The following ATF6 variants were observed in gnomAD, a reference collection of about 807,000 sequenced individuals.
The protein encoded by ATF6 is activating transcription factor 6, also known as cyclic AMP-dependent transcription factor ATF-6 alpha.
A neutral mutation model predicts 83.6 loss-of-function variants in ATF6; 53 were observed. The ratio of observed to expected loss-of-function variants is 0.63; its 90% CI spans 0.51 to 0.80. ATF6 has a LOEUF of 0.80. Among genes scored for constraint, ATF6 ranks in the 30% least tolerant of loss-of-function variants. The pLI is 0.00. For synonymous variants in ATF6, 288 were observed against 285.8 expected (o/e 1.01, Z -0.08); for missense variants, 744 against 797.9 (o/e 0.93, Z 0.81).
chr1:161,905,287 T>TA (rs1263207609), intron 14 of ATF6, among the ~76,000 whole-genome samples: 2 of 152,174 alleles, frequency 1.3e-5, no homozygotes, highest in South Asian at 4.1e-4. Flanking sequence ...TCTGCTGGGT[T>TA]AAAAAAATAT....
chr1:161,934,032 T>A (rs1688486274), intron 15 of ATF6, among the ~76,000 whole-genome samples: 1 of 152,214 alleles, frequency 6.6e-6, no homozygotes, highest in South Asian at 2.1e-4. Flanking sequence ...GTTGAAAAGA[T>A]TAATCTCATG....
intron 15 of ATF6, among the ~76,000 whole-genome samples, chr1:161,953,433 T>C (rs1019995736): frequency 6.6e-6 from 1 of 152,198 alleles, no homozygotes; most frequent in African/African-American, 2.4e-5. Flanking sequence ...ACATTTGTTT[T>C]GTGACATCAT....
At chr1:161,817,126 C>T (rs1364187464) in intron 7 of ATF6, among the ~76,000 whole-genome samples, 1 of 152,184 alleles carries the variant, frequency 6.6e-6, no homozygotes, top group East Asian at 1.9e-4. Context: ...CGTGGATTGA[C>T]AGCCTTTGAA....
intron 15 of ATF6, among the ~76,000 whole-genome samples, chr1:161,944,137 T>G: frequency 6.6e-6 from 1 of 152,194 alleles, no homozygotes; most frequent in South Asian, 2.1e-4. Flanking sequence ...CACATGCAGT[T>G]TGGTGCTCAG....
chr1:161,925,040 A>T (rs891604683), intron 15 of ATF6, among the ~76,000 whole-genome samples: 4 of 152,218 alleles, frequency 2.6e-5, no homozygotes, highest in African/African-American at 7.2e-5. Flanking sequence ...AATCCACAGG[A>T]TTATATATAA....
chr1:161,874,493 A>G (rs1687170815), intron 14 of ATF6, among the ~76,000 whole-genome samples: 1 of 151,684 alleles, frequency 6.6e-6, no homozygotes, highest in South Asian at 2.1e-4. Context: ...ATACAGAATA[A>G]ACAGTCTACA....
chr1:161,837,013 A>G (rs1210988717), intron 9 of ATF6, among the ~76,000 whole-genome samples: 1 of 152,236 alleles, frequency 6.6e-6, no homozygotes, highest in Non-Finnish European at 1.5e-5. Context: ...AACATAAAAC[A>G]AGGACTAGTG....
At chr1:161,919,756 A>G (rs1688166121) in intron 15 of ATF6, among the ~76,000 whole-genome samples, 1 of 152,232 alleles carries the variant, frequency 6.6e-6, no homozygotes, top group Non-Finnish European at 1.5e-5. Flanking sequence ...ACGTAGATGA[A>G]CAAATGACTA....
intron 1 of ATF6, among the ~76,000 whole-genome samples, chr1:161,772,973 T>G (rs1571115766): frequency 6.8e-6 from 1 of 146,282 alleles, no homozygotes; most frequent in Non-Finnish European, 1.5e-5. Context: ...GTTTTTTTTT[T>G]TTTTTTTTTT....
chr1:161,920,394 A>G (rs1688187761), intron 15 of ATF6, among the ~76,000 whole-genome samples: 2 of 142,488 alleles, frequency 1.4e-5, no homozygotes, highest in South Asian at 4.5e-4. Flanking sequence ...TCCTGGGTTC[A>G]CGCCATTCTC....
chr1:161,905,622 A>C (rs1687864339), intron 14 of ATF6, among the ~76,000 whole-genome samples: 1 of 152,220 alleles, frequency 6.6e-6, no homozygotes, highest in Admixed American at 6.5e-5. Flanking sequence ...TTATGCATTT[A>C]GTGTTTGATC....
chr1:161,907,244 T>C (rs1687894078), intron 14 of ATF6, among the ~76,000 whole-genome samples: 1 of 152,206 alleles, frequency 6.6e-6, no homozygotes, highest in Non-Finnish European at 1.5e-5. Context: ...TTTGACAGCT[T>C]GAAAGTTATG....
rs1395069267 is a variant in ATF6, at chr1:161,918,191, ATAAG to A, written c.1804+5816_1804+5819del. On this transcript the variant is annotated intron_variant, in intron 15 of 15. Coordinates refer to ENST00000367942, the MANE Select transcript of ATF6 (RefSeq NM_007348.4). ...AGGTATATGTTTGTTGAATAAAAGA[ATAAG>A]TAAGGTAAATGTTATTTGGTGATAA... Among the ~76,000 whole-genome samples the A allele has an allele frequency of 6.6e-5, 10 of 152,146 alleles. No individual in the cohort carries two copies. The East Asian group carries it at 7.7e-4, about 12-fold the overall frequency.
chr1:161,911,791 G>T (rs1408232255), intron 14 of ATF6, among the ~76,000 whole-genome samples: 2 of 152,122 alleles, frequency 1.3e-5, no homozygotes, highest in Non-Finnish European at 1.5e-5. Flanking sequence ...CCTGGGATAA[G>T]AATTTTGATG....
intron 14 of ATF6, chr1:161,891,408 C>T (rs1040218246): frequency 3.9e-5 from 6 of 152,162 alleles, no homozygotes; most frequent in African/African-American, 1.5e-4. Context: ...TGTGGACCAG[C>T]TGTGGACCGT....
intron 15 of ATF6, among the ~76,000 whole-genome samples, chr1:161,946,308 T>C (rs1679551000): frequency 6.6e-6 from 1 of 152,210 alleles, no homozygotes; most frequent in South Asian, 2.1e-4. Flanking sequence ...GCAGAGTCTT[T>C]ATCAAACAGA....
chr1:161,774,218 G>A (rs184114385), intron 1 of ATF6, among the ~76,000 whole-genome samples: 5 of 152,038 alleles, frequency 3.3e-5, no homozygotes, highest in Non-Finnish European at 7.4e-5. Context: ...CTCTTCTGCC[G>A]CTATGAGAAT....
At chr1:161,930,691 G>C (rs773880044) in intron 15 of ATF6, among the ~76,000 whole-genome samples, 5 of 152,040 alleles carry the variant, frequency 3.3e-5, no homozygotes, top group Non-Finnish European at 7.4e-5. Context: ...TTGGAGATGA[G>C]AATTTTATCT....
intron 15 of ATF6, among the ~76,000 whole-genome samples, chr1:161,947,810 C>CTTTTTTTTTTTTTTTTTTTTTTTTTT (rs10524670): frequency 1.7e-5 from 1 of 57,580 alleles, no homozygotes; most frequent in African/African-American, 8.5e-5. Context: ...TAAGCCACGC[C>CTTTTTTTTTTTTTTTTTTTTTTTTTT]TTTTTTTTTT....
Sources: gnomAD v4.1 joint callset for allele counts (sites outside exome capture counted in the v4.1 genomes callset) on GRCh38, gnomAD v4.1.1 for gene constraint, MANE v1.5 for transcripts, NCBI Gene and HGNC (gene_info 2026-07-23, HGNC 2026-07-21) for gene names.